The following GLRX3 variants were observed in gnomAD, a reference collection of about 807,000 sequenced individuals.
GLRX3 encodes the protein glutaredoxin 3, also known as glutaredoxin-3.
Under a neutral mutation model 49.5 loss-of-function variants are expected in GLRX3, and 22 were observed. The ratio of observed to expected loss-of-function variants is 0.44; its 90% CI spans 0.32 to 0.63. GLRX3 has a LOEUF of 0.63. GLRX3 is among the 30% of genes least tolerant of loss of function. The pLI is 0.05. For missense variants in GLRX3, 385 were observed against 396.3 expected (o/e 0.97, Z 0.24); for synonymous variants, 133 against 140.0 (o/e 0.95, Z 0.35).
At chr10:130,143,000 A>G (rs528238128) in intron 1 of GLRX3, among the ~76,000 whole-genome samples, 1 of 152,252 alleles carries the variant, frequency 6.6e-6, no homozygotes, top group South Asian at 2.1e-4. Flanking sequence ...TCTGTATATC[A>G]GGTGCAGACT....
intron 1 of GLRX3, among the ~76,000 whole-genome samples, chr10:130,138,868 T>TG (rs1554954459): frequency 7.4e-4 from 107 of 144,004 alleles, no homozygotes; most frequent in Middle Eastern, 3.9e-3. Flanking sequence ...TTTTTTTTTT[T>TG]GGGGGGGAGA....
chr10:130,155,996 T>C (rs1862464170), intron 2 of GLRX3, among the ~76,000 whole-genome samples: 1 of 152,184 alleles, frequency 6.6e-6, no homozygotes, highest in South Asian at 2.1e-4. Context: ...GCAGCAGCCA[T>C]GAAGTGGAAC....
In GLRX3 at chr10:130,176,737, C is replaced by T. The variant is rs532319447; in HGVS notation, c.957+1648C>T. Among the ~76,000 whole-genome samples the T allele has an allele frequency of 2.1e-5, 3 of 145,724 alleles. No homozygotes were observed. The South Asian group carries it at 6.7e-4, about 32-fold the overall frequency. The stretch of plus-strand genomic sequence containing the variant: ...GAAACAGATCTGCATTTGTTTCTTC[C>T]CTCCCTCCCTCCTTCCCTCCCTCCC... On this transcript the variant is annotated intron_variant, in intron 10 of 10. Coordinates refer to ENST00000331244, the MANE Select transcript of GLRX3 (RefSeq NM_006541.5).
At position 130,162,420 on chromosome 10, in the gene GLRX3, C is replaced by G. The variant is rs186759575; in HGVS notation, c.478+1423C>G. 3.2e-3 allele frequency among the ~76,000 whole-genome samples: 494 copies of G among 152,250 alleles called. 2 individuals carry two copies. The highest frequency in any genetic ancestry group is 5.6e-3 in the Non-Finnish European group (378 of 68,012). ...AGGTAGCAACAGATAGTCTCTGTTG[C>G]GTTTGTTATTTTGTTTTTAACGGGG... On this transcript the variant is annotated intron_variant, in intron 4 of 10. Coordinates refer to ENST00000331244, the MANE Select transcript of GLRX3 (RefSeq NM_006541.5).
chr10:130,136,862 C>G (rs1862064238), intron 1 of GLRX3, among the ~76,000 whole-genome samples: 1 of 152,184 alleles, frequency 6.6e-6, no homozygotes, highest in African/African-American at 2.4e-5. Context: ...GTGACTCAGC[C>G]GTGCCGCAGT....
intron 2 of GLRX3, among the ~76,000 whole-genome samples, chr10:130,149,510 T>C (rs1013832484): frequency 6.6e-6 from 1 of 152,112 alleles, no homozygotes; most frequent in Admixed American, 6.5e-5. Context: ...AATGAAATAG[T>C]TAAAATGTTT....
In GLRX3 at chr10:130,145,265, G is replaced by A; in HGVS notation, c.147G>A (p.Met49Ile). The A allele has an allele frequency of 6.3e-7, 1 of 1,584,630 alleles. No homozygotes were observed. The highest frequency in any genetic ancestry group is 8.7e-7 in the Non-Finnish European group (1 of 1,153,826). ...WAPWAPQCAQ[M>I]NEVMAELAKE... The stretch of plus-strand genomic sequence containing the variant: ...CATGGGCTCCACAGTGTGCACAGAT[G>A]AACGAAGTTATGGCAGAGTTAGCTA... The change falls in exon 2 of 11, where the codon ATG becomes ATA. Residue 49 changes from methionine (M) to isoleucine (I), a missense_variant. This residue lies in a region of GLRX3 where 374 missense variants were observed against 358.6 expected (regional missense o/e 1.04). Coordinates refer to ENST00000331244, the MANE Select transcript of GLRX3 (RefSeq NM_006541.5).
chr10:130,162,441 C>CG (rs1342395087), intron 4 of GLRX3, among the ~76,000 whole-genome samples: 2 of 152,140 alleles, frequency 1.3e-5, no homozygotes, highest in African/African-American at 4.8e-5. Flanking sequence ...TTGTTTTTAA[C>CG]GGGGGTTGCA....
intron 4 of GLRX3, among the ~76,000 whole-genome samples, chr10:130,161,796 TTATTAAG>T (rs1862581582): frequency 6.6e-6 from 1 of 152,168 alleles, no homozygotes; most frequent in Non-Finnish European, 1.5e-5. Context: ...AGGAGGGACT[TTATTAAG>T]ATAGGGGCAG....
chr10:130,141,001 C>T (rs1244038975), intron 1 of GLRX3, among the ~76,000 whole-genome samples: 1 of 152,178 alleles, frequency 6.6e-6, no homozygotes, highest in Non-Finnish European at 1.5e-5. Context: ...CATGAAAGTA[C>T]TTCTCGTCAT....
intron 1 of GLRX3, among the ~76,000 whole-genome samples, chr10:130,144,464 C>T (rs185474486): frequency 3.9e-5 from 6 of 152,114 alleles, no homozygotes; most frequent in Admixed American, 3.9e-4. Flanking sequence ...CCCTTGCCCC[C>T]CACCCCCTGA....
At chr10:130,166,244 CTTTT>C (rs58269012) in intron 4 of GLRX3, among the ~76,000 whole-genome samples, 2 of 139,456 alleles carry the variant, frequency 1.4e-5, no homozygotes, top group East Asian at 2.1e-4. Flanking sequence ...ACACACACCA[CTTTT>C]TTTTTTTTTT....
rs1862564296 is a variant in GLRX3, at chr10:130,160,916, C to A, written c.397C>A (p.Leu133Ile). 1 of 1,613,554 alleles carries A rather than the reference C, an allele frequency of 6.2e-7. No homozygotes were observed. The highest frequency in any genetic ancestry group is 8.5e-7 in the Non-Finnish European group (1 of 1,179,488). ...PSANEHLKED[L>I]NLRLKKLTHA... is the part of the protein sequence containing the mutation. Reference sequence around the variant, plus strand: ...CGCTAATGAACATCTTAAAGAAGATCTCAACCTTCGCTTGAAGAAATTGAC... The same window carrying A: ...CGCTAATGAACATCTTAAAGAAGATATCAACCTTCGCTTGAAGAAATTGAC... The change falls in exon 4 of 11, where the codon CTC (leucine) becomes ATC (isoleucine). Residue 133 changes from leucine (L) to isoleucine (I), a missense_variant. This residue lies in a region of GLRX3 where 374 missense variants were observed against 358.6 expected (regional missense o/e 1.04). Coordinates refer to ENST00000331244, the MANE Select transcript of GLRX3 (RefSeq NM_006541.5).
intron 2 of GLRX3, among the ~76,000 whole-genome samples, chr10:130,148,288 G>T (rs1345556874): frequency 3.3e-5 from 5 of 151,700 alleles, no homozygotes; most frequent in African/African-American, 1.2e-4. Context: ...GTACACCCCT[G>T]CCCAGCTAAT....
intron 2 of GLRX3, among the ~76,000 whole-genome samples, chr10:130,150,143 G>A (rs1328305265): frequency 6.6e-6 from 1 of 151,204 alleles, no homozygotes; most frequent in Non-Finnish European, 1.5e-5. Context: ...GGGAGGCTGA[G>A]GCAGGAGAAT....
At chr10:130,172,456 G>GATATACAGC (rs1264079515) in intron 8 of GLRX3, among the ~76,000 whole-genome samples, 3 of 152,114 alleles carry the variant, frequency 2.0e-5, no homozygotes, top group Non-Finnish European at 4.4e-5. Context: ...CTTATTTGGA[G>GATATACAGC]ATATACAGCA....
In GLRX3 at chr10:130,152,787, G is replaced by A. The variant is rs141512189; in HGVS notation, c.202-7208G>A. ...TCTGACAGTTATATGTCTTGGGGTC[G>A]CTCTTCTTGAGGAGTATATTTGTGG... On this transcript the variant is annotated intron_variant, in intron 2 of 10. Coordinates refer to ENST00000331244, the MANE Select transcript of GLRX3 (RefSeq NM_006541.5). Among the ~76,000 whole-genome samples the A allele has an allele frequency of 2.4e-3, 365 of 152,082 alleles. 2 individuals carry two copies. The highest frequency in any genetic ancestry group is 8.3e-3 in the African/African-American group (346 of 41,502).
At chr10:130,148,223 C>G in intron 2 of GLRX3, among the ~76,000 whole-genome samples, 1 of 151,984 alleles carries the variant, frequency 6.6e-6, no homozygotes, top group Non-Finnish European at 1.5e-5. Flanking sequence ...GCCTCTACCT[C>G]CCAGGCTCAA....
chr10:130,154,395 G>A (rs1862436255), intron 2 of GLRX3, among the ~76,000 whole-genome samples: 1 of 152,178 alleles, frequency 6.6e-6, no homozygotes, highest in Non-Finnish European at 1.5e-5. Context: ...TGGAAATGGA[G>A]AAGTCACTCA....
Sources: gnomAD v4.1 joint callset for allele counts (sites outside exome capture counted in the v4.1 genomes callset) on GRCh38, gnomAD v4.1.1 for gene constraint, gnomAD v4.1.1 regional missense constraint, MANE v1.5 for transcripts, NCBI Gene and HGNC (gene_info 2026-07-23, HGNC 2026-07-21) for gene names.